The following MDFI variants were observed in gnomAD, a reference collection of about 807,000 sequenced individuals.
The protein encoded by MDFI is MyoD family inhibitor.
Under a neutral mutation model 22.3 loss-of-function variants are expected in MDFI, and 16 were observed. The observed-to-expected ratio is 0.72, with a 90% CI of 0.49 to 1.09. The LOEUF (loss-of-function observed/expected upper bound fraction) is 1.09. Ranked by LOEUF, MDFI falls within the 50% of genes least tolerant of loss-of-function variation. The probability of loss-of-function intolerance (pLI) is 0.00; values close to 1 mark genes in which losing one functional copy is unlikely to be tolerated. For missense variants in MDFI, 314 were observed against 326.1 expected (o/e 0.96, Z 0.29); for synonymous variants, 145 against 142.7 (o/e 1.02, Z -0.12).
At chr6:41,639,685 T>G in intron 2 of MDFI, 1 of 985,354 alleles carries the variant, frequency 1.0e-6, no homozygotes, top group Non-Finnish European at 1.2e-6. Flanking sequence ...TGGACCCGGA[T>G]TTCATAATTG....
chr6:41,639,435 G>A, intron 2 of MDFI: 1 of 985,336 alleles, frequency 1.0e-6, no homozygotes, highest in Non-Finnish European at 1.2e-6. Flanking sequence ...GAAATGCCCC[G>A]TCCCGCGCCT....
intron 2 of MDFI, among the ~76,000 whole-genome samples, chr6:41,645,904 C>G (rs746307099): frequency 1.3e-5 from 2 of 152,208 alleles, no homozygotes; most frequent in Non-Finnish European, 2.9e-5. Context: ...CGTGCACACA[C>G]TCAAATGCAT....
intron 2 of MDFI, chr6:41,639,653 A>C: frequency 2.0e-6 from 2 of 985,426 alleles, no homozygotes; most frequent in Non-Finnish European, 2.4e-6. Flanking sequence ...GTTCAGGGCC[A>C]GGGGAACCGC....
At chr6:41,648,127 G>A (rs887449415) in intron 3 of MDFI, among the ~76,000 whole-genome samples, 4 of 151,726 alleles carry the variant, frequency 2.6e-5, no homozygotes, top group Admixed American at 2.0e-4. Context: ...AGTTATGAGG[G>A]TAGTGATTGT....
intron 4 of MDFI, chr6:41,650,169 C>T: frequency 3.2e-6 from 1 of 311,890 alleles, no homozygotes; most frequent in Non-Finnish European, 5.9e-6. Context: ...GGAACGGAGC[C>T]ACCTGGGTTG....
intron 3 of MDFI, among the ~76,000 whole-genome samples, chr6:41,647,021 C>T (rs899473891): frequency 2.0e-5 from 3 of 152,174 alleles, no homozygotes; most frequent in Non-Finnish European, 4.4e-5. Context: ...TCAGGTCTCC[C>T]GGCCCAACAC....
chr6:41,641,224 T>G (rs1270149601), intron 2 of MDFI, among the ~76,000 whole-genome samples: 1 of 152,034 alleles, frequency 6.6e-6, no homozygotes, highest in African/African-American at 2.4e-5. Context: ...GATGCAGAGA[T>G]GAATATGGAC....
chr6:41,639,967 G>A (rs2127425725), intron 2 of MDFI: 1 of 969,346 alleles, frequency 1.0e-6, no homozygotes, highest in Admixed American at 6.1e-5. Flanking sequence ...AAACCAGAGT[G>A]AGGACAAGTG....
intron 3 of MDFI, among the ~76,000 whole-genome samples, 178 bp from the exon 4 acceptor site, chr6:41,649,441 G>C (rs997580532): frequency 6.6e-6 from 1 of 152,220 alleles, no homozygotes; most frequent in African/African-American, 2.4e-5. Flanking sequence ...ATTTCATGGC[G>C]TGGCTCTGGA....
chr6:41,639,273 TTGTC>T, intron 2 of MDFI: 6 of 985,362 alleles, frequency 6.1e-6, no homozygotes, highest in Non-Finnish European at 7.2e-6. Context: ...CCGAAAACTT[TTGTC>T]TGCCGCGAGC....
upstream of MDFI, chr6:41,638,379 A>C: frequency 8.4e-6 from 1 of 118,848 alleles, no homozygotes; most frequent in Non-Finnish European, 1.4e-5. This position sits in a 1 kb window ranked among gnomAD's most constrained non-coding sequence, Gnocchi z 7.6. Context: ...TGAGAAGGCG[A>C]GGAGGGGGCG....
intron 2 of MDFI, chr6:41,640,017 G>C: frequency 1.2e-6 from 1 of 814,062 alleles, no homozygotes; most frequent in Non-Finnish European, 1.5e-6. Flanking sequence ...GATGAGGCCA[G>C]TGTGTCTACA....
chr6:41,641,055 T>C (rs1767835215), intron 2 of MDFI, among the ~76,000 whole-genome samples: 1 of 152,226 alleles, frequency 6.6e-6, no homozygotes, highest in Non-Finnish European at 1.5e-5. Context: ...GCATCAACCA[T>C]GTGTGCATCA....
At chr6:41,640,756 CAG>C (rs1216216980) in intron 2 of MDFI, among the ~76,000 whole-genome samples, 3 of 152,174 alleles carry the variant, frequency 2.0e-5, no homozygotes, top group Non-Finnish European at 4.4e-5. Flanking sequence ...CAAGGGGACT[CAG>C]GGCAGATCTG....
chr6:41,639,592 G>T (rs2127425378), intron 2 of MDFI: 1 of 985,438 alleles, frequency 1.0e-6, no homozygotes, highest in East Asian at 1.1e-4. Flanking sequence ...CTAAGCCGAA[G>T]CTCCCAAATG....
At chr6:41,648,000 C>T (rs901144291) in intron 3 of MDFI, among the ~76,000 whole-genome samples, 1 of 134,284 alleles carries the variant, frequency 7.4e-6, no homozygotes, top group Non-Finnish European at 1.5e-5. Flanking sequence ...GCCGGGATTG[C>T]GCCACTGCAC....
Position 41,653,682 on chromosome 6 carries a change from C to A in MDFI, c.*107C>A, listed in dbSNP as rs538105746. 32 of 1,394,744 alleles carry A rather than the reference C, an allele frequency of 2.3e-5. No individual in the cohort carries two copies. In the African/African-American group the frequency reaches 3.7e-4, roughly 16 times the overall value. The allele number at this position is 1,394,744 out of a possible 1,614,324, so 86.4% of individuals were successfully genotyped here. On this transcript the variant is annotated 3_prime_UTR_variant, in exon 5 of 5. Transcript: ENST00000230321. The surrounding 1 kb of genome is among the most constrained non-coding windows in gnomAD (Gnocchi z 4.2). ...TCACACAAGGCTTGAGAAGCCCCCT[C>A]TCCCTGGTCCTCTCCTACCCACCCA...
Position 41,653,582 on chromosome 6 carries a change from G to C in MDFI, c.*7G>C. ...GCTCTGCTTCTCCTCCTGAGCCTCT[G>C]TCGGGGGCTAAGCCAGCCTGGCGCC... is the stretch of plus-strand genomic sequence containing the variant. On this transcript the variant is annotated 3_prime_UTR_variant, in exon 5 of 5. Coordinates refer to ENST00000230321, the MANE Select transcript of MDFI (RefSeq NM_005586.4). This position sits in a 1 kb window ranked among gnomAD's most constrained non-coding sequence, Gnocchi z 4.2. The C allele has an allele frequency of 6.3e-7, 1 of 1,599,346 alleles. No individual in the cohort carries two copies. Among genetic ancestry groups the C allele is most frequent in the Non-Finnish European group, 8.5e-7 (1 of 1,179,384 alleles).
intron 2 of MDFI, among the ~76,000 whole-genome samples, chr6:41,639,077 G>GAC (rs145284051): frequency 0.015 from 2,197 of 146,466 alleles, 48 homozygotes; most frequent in African/African-American, 0.05. Flanking sequence ...CCCGACACCA[G>GAC]ACACACACAC....
Sources: allele counts gnomAD v4.1 joint callset (sites outside exome capture counted in the v4.1 genomes callset), GRCh38; gene constraint gnomAD v4.1.1; non-coding constraint Gnocchi (gnomAD v3.1); transcripts MANE v1.5; gene names NCBI Gene and HGNC (gene_info 2026-07-23, HGNC 2026-07-21).